The following BACH2 variants were observed in gnomAD, a reference collection of about 807,000 sequenced individuals.
The protein encoded by BACH2 is BACH transcriptional regulator 2.
BACH2 carries 5 observed loss-of-function variants against 61.8 expected under a neutral mutation model. That is an observed-to-expected ratio of 0.08 (90% CI 0.04 to 0.17). The LOEUF (loss-of-function observed/expected upper bound fraction) is 0.17, where lower values mean the gene tolerates loss of function less well. Among genes scored for constraint, BACH2 ranks in the 10% least tolerant of loss-of-function variants. BACH2 has a pLI of 1.00. For missense variants in BACH2, 824 were observed against 1,091.1 expected (o/e 0.76, Z 3.45); for synonymous variants, 446 against 440.1 (o/e 1.01, Z -0.17).
At chr6:90,093,255 C>T (rs923606690) in intron 4 of BACH2, among the ~76,000 whole-genome samples, 7 of 152,256 alleles carry the variant, frequency 4.6e-5, no homozygotes, top group East Asian at 3.9e-4. Flanking sequence ...CTCAAAGAGA[C>T]GGCCACCACT....
chr6:90,244,318 A>T (rs1219613324), intron 3 of BACH2, among the ~76,000 whole-genome samples: 1 of 152,264 alleles, frequency 6.6e-6, no homozygotes, highest in Admixed American at 6.5e-5. Flanking sequence ...ACCAGATGGT[A>T]TTCAAGGGCT....
At position 89,927,706 on chromosome 6, in the gene BACH2, T is replaced by C. The variant is rs17513276; in HGVS notation, c.*4702A>G. On this transcript the variant is annotated 3_prime_UTR_variant, in exon 9 of 9. Coordinates refer to ENST00000257749, the MANE Select transcript of BACH2 (RefSeq NM_021813.4). ...CATCGTTTTCATATTACATTTAAAA[T>C]GCACTGATATTCATTTGATAGAAAT... The C allele has an allele frequency of 0.044, 6,671 of 152,912 alleles. 223 individuals carry two copies. The highest frequency in any genetic ancestry group is 0.068 in the Non-Finnish European group (4,627 of 68,032). 9.5% of individuals were successfully genotyped at this position (152,912 alleles called of 1,614,324 possible). A position where few individuals can be genotyped will look rare whatever the true frequency, so the allele number is the denominator to read the frequency against.
intron 4 of BACH2, among the ~76,000 whole-genome samples, chr6:90,147,173 T>C (rs1784650939): frequency 6.6e-6 from 1 of 152,108 alleles, no homozygotes; most frequent in Non-Finnish European, 1.5e-5. Context: ...GTAATAAAAA[T>C]AAATTATTTT....
chr6:90,285,063 T>A (rs1413709090), intron 1 of BACH2, among the ~76,000 whole-genome samples: 2 of 152,232 alleles, frequency 1.3e-5, no homozygotes, highest in African/African-American at 4.8e-5. Context: ...CAGTTTATGA[T>A]GATTGGATCA....
At chr6:90,131,756 G>A (rs1166143462) in intron 4 of BACH2, among the ~76,000 whole-genome samples, 4 of 152,172 alleles carry the variant, frequency 2.6e-5, no homozygotes, top group African/African-American at 7.2e-5. Context: ...CAATTTTGTG[G>A]TATTGGTTCC....
intron 4 of BACH2, among the ~76,000 whole-genome samples, chr6:90,136,957 C>T (rs1784291177): frequency 6.6e-6 from 1 of 151,830 alleles, no homozygotes; most frequent in African/African-American, 2.4e-5. Flanking sequence ...ACCAGATTCC[C>T]ATTTCAAAAA....
chr6:90,115,487 ACCCCT>A (rs1783359576), intron 4 of BACH2, among the ~76,000 whole-genome samples: 1 of 152,130 alleles, frequency 6.6e-6, no homozygotes, highest in Non-Finnish European at 1.5e-5. Context: ...TTGAAGCTGG[ACCCCT>A]TTTTTACACC....
At chr6:90,249,046 T>C (rs1473787729) in intron 3 of BACH2, among the ~76,000 whole-genome samples, 1 of 152,208 alleles carries the variant, frequency 6.6e-6, no homozygotes, top group East Asian at 1.9e-4. Flanking sequence ...CAACAGAGAT[T>C]TATGCTCTTT....
At chr6:90,246,905 T>C (rs1050328329) in intron 3 of BACH2, among the ~76,000 whole-genome samples, 3 of 152,168 alleles carry the variant, frequency 2.0e-5, no homozygotes, top group Non-Finnish European at 4.4e-5. Context: ...GTGGAAGTAT[T>C]CAAAAGAAAC....
At chr6:89,988,847 CCT>C (rs1255917900) in intron 6 of BACH2, among the ~76,000 whole-genome samples, 2 of 152,174 alleles carry the variant, frequency 1.3e-5, no homozygotes, top group Admixed American at 6.5e-5. Flanking sequence ...CTGGAGGTCC[CCT>C]GTCTAGAGCT....
intron 5 of BACH2, among the ~76,000 whole-genome samples, chr6:90,010,382 T>C (rs1777644432): frequency 6.6e-6 from 1 of 152,262 alleles, no homozygotes; most frequent in Non-Finnish European, 1.5e-5. Context: ...TGGCTTCTTC[T>C]ATTCAGCATA....
At chr6:89,988,647 A>G (rs2128364782) in intron 6 of BACH2, among the ~76,000 whole-genome samples, 1 of 152,342 alleles carries the variant, frequency 6.6e-6, no homozygotes, top group Non-Finnish European at 1.5e-5. Context: ...ACAATGAAAT[A>G]AGGAGAGGAG....
chr6:90,182,601 C>A (rs1768206675), intron 4 of BACH2, among the ~76,000 whole-genome samples: 1 of 152,192 alleles, frequency 6.6e-6, no homozygotes, highest in Non-Finnish European at 1.5e-5. Context: ...TGGTGCTTGG[C>A]ACATTATAGC....
chr6:90,213,465 T>C (rs950316625), intron 3 of BACH2, among the ~76,000 whole-genome samples: 1 of 152,180 alleles, frequency 6.6e-6, no homozygotes, highest in Non-Finnish European at 1.5e-5. Flanking sequence ...TCTACCTGCC[T>C]CTTGGCCCCT....
chr6:90,243,247 G>C (rs1770517749), intron 3 of BACH2, among the ~76,000 whole-genome samples: 2 of 151,130 alleles, frequency 1.3e-5, no homozygotes, highest in Non-Finnish European at 3.0e-5. Flanking sequence ...CTAGTCGCAA[G>C]GATCGTCTTT....
At position 89,989,027 on chromosome 6, in the gene BACH2, T is replaced by C. The variant is rs181288183; in HGVS notation, c.243+19575A>G. Among the ~76,000 whole-genome samples the C allele has an allele frequency of 1.8e-3, 279 of 152,324 alleles. 1 individual carries two copies. Among genetic ancestry groups the C allele is most frequent in the African/African-American group, 6.2e-3 (256 of 41,572 alleles). Reference sequence around the variant, plus strand: ...TCGAACCAAGGTGTCATGCTGTGCATTGAGCAGTGGAAGGACCTTCTCTTG... The same window carrying C: ...TCGAACCAAGGTGTCATGCTGTGCACTGAGCAGTGGAAGGACCTTCTCTTG... On this transcript the variant is annotated intron_variant, in intron 6 of 8. Coordinates refer to ENST00000257749, the MANE Select transcript of BACH2 (RefSeq NM_021813.4).
At chr6:90,133,769 C>T (rs900878348) in intron 4 of BACH2, among the ~76,000 whole-genome samples, 6 of 152,114 alleles carry the variant, frequency 3.9e-5, no homozygotes, top group Non-Finnish European at 8.8e-5. Flanking sequence ...TCAATTCCCA[C>T]CTATGAGTGA....
chr6:89,983,388 G>C (rs946110155), intron 6 of BACH2, among the ~76,000 whole-genome samples: 2 of 152,196 alleles, frequency 1.3e-5, no homozygotes, highest in African/African-American at 4.8e-5. Flanking sequence ...AAGTAAAATA[G>C]CCAGGCGTGG....
chr6:90,166,414 A>G (rs543512738), intron 4 of BACH2, among the ~76,000 whole-genome samples: 2 of 152,202 alleles, frequency 1.3e-5, no homozygotes, highest in Admixed American at 6.5e-5. Flanking sequence ...AACAGGTGCT[A>G]GAGAGGCTGT....
Sources: gnomAD v4.1 joint callset for allele counts (sites outside exome capture counted in the v4.1 genomes callset) on GRCh38, gnomAD v4.1.1 for gene constraint, MANE v1.5 for transcripts, NCBI Gene and HGNC (gene_info 2026-07-23, HGNC 2026-07-21) for gene names.